Variants in CD22 observed in about 807,000 individuals in gnomAD.
CD22 encodes CD22 molecule.
A neutral mutation model predicts 94.7 loss-of-function variants in CD22; 51 were observed. That is an observed-to-expected ratio of 0.54 (90% CI 0.43 to 0.68). The LOEUF (loss-of-function observed/expected upper bound fraction) is 0.68, where lower values mean the gene tolerates loss of function less well. Among genes scored for constraint, CD22 ranks in the 30% least tolerant of loss-of-function variants. CD22 has a pLI of 0.00. For synonymous variants in CD22, 424 were observed against 422.5 expected, an observed-to-expected ratio of 1.00 and a Z score of -0.04; for missense variants, 931 against 1,060.4, an observed-to-expected ratio of 0.88 and a Z score of 1.69.
chr19:35,346,637 TG>T lies in CD22; in HGVS notation c.2488del (p.Val830SerfsTer14). On this transcript the variant is annotated frameshift_variant, in exon 14 of 14. Coordinates refer to ENST00000085219, the MANE Select transcript of CD22 (RefSeq NM_001771.4). LOFTEE classifies it high-confidence loss of function. Reference protein sequence around the residue: ...GIHYSELIQFGVGERPQAQEN... With the variant: ...GIHYSELIQFXVGERPQAQEN... ...TTCATTACTCAGAGCTGATCCAGTT[TG>T]GGGTCGGGGAGCGGCCTCAGGCACA... The T allele has an allele frequency of 6.2e-7, 1 of 1,608,472 alleles. No homozygotes were observed. Among genetic ancestry groups the T allele is most frequent in the Non-Finnish European group, 8.5e-7 (1 of 1,177,258 alleles).
chr19:35,340,462 T>G (rs1257157619), intron 6 of CD22, among the ~76,000 whole-genome samples: 1 of 152,194 alleles, frequency 6.6e-6, no homozygotes, highest in Non-Finnish European at 1.5e-5. Flanking sequence ...TTTAAAATTT[T>G]TAGTAGAGAC....
In CD22 at chr19:35,336,018, G is replaced by A. The variant is rs1288600909; in HGVS notation, c.413-18G>A. ...CCTCAGTCCCCCAGGCTCCTGCACG[G>A]GCTCTGTTCTTTTGCAGAAAGGCCT... On this transcript the variant is annotated intron_variant, in intron 3 of 13. Transcript: ENST00000085219. 1 of 1,607,622 alleles carries A rather than the reference G, an allele frequency of 6.2e-7. No individual in the cohort carries two copies. The highest frequency in any genetic ancestry group is 2.2e-5 in the East Asian group (1 of 44,844).
intron 9 of CD22, among the ~76,000 whole-genome samples, chr19:35,342,328 T>G (rs2066828177): frequency 6.6e-6 from 1 of 151,832 alleles, no homozygotes; most frequent in South Asian, 2.1e-4. Flanking sequence ...CACCACCACA[T>G]CCGGCTAATT....
rs761690391 is a variant in CD22, at chr19:35,336,193, G to C, written c.570G>C (p.Ser190=). 3.1e-6 allele frequency: 5 copies of C among 1,614,046 alleles called. No homozygotes were observed. Among genetic ancestry groups the C allele is most frequent in the Non-Finnish European group, 4.2e-6 (5 of 1,180,048 alleles). ...GVPMRQAAVT[S]TSLTIKSVFT... ...CAATGAGGCAGGCTGCTGTCACCTCGACCTCCTTGACCATCAAGTCTGTCT... is the reference window on the plus strand; with the variant it reads ...CAATGAGGCAGGCTGCTGTCACCTCCACCTCCTTGACCATCAAGTCTGTCT... The change falls in exon 4 of 14, where the codon TCG becomes TCC. Residue 190 remains serine, a synonymous_variant. Transcript: ENST00000085219.
chr19:35,332,997 G>C lies in CD22; in HGVS notation c.412+73G>C, dbSNP rs1404529104. On this transcript the variant is annotated intron_variant, in intron 3 of 13. Coordinates refer to ENST00000085219, the MANE Select transcript of CD22 (RefSeq NM_001771.4). ...GGAGGCAGGAAATACCTGACTCCTG[G>C]CACAGAGCTCACAAACCGAGCTTCC... 6.6e-6 allele frequency: 10 copies of C among 1,504,928 alleles called. No homozygotes were observed. In the Admixed American group the frequency reaches 1.8e-4, roughly 26 times the overall value. The allele number at this position is 1,504,928 out of a possible 1,614,324, so 93.2% of individuals were successfully genotyped here.
rs575288611 is a variant in CD22, at chr19:35,344,882, G to A, written c.2089G>A (p.Ala697Thr). The A allele has an allele frequency of 6.8e-6, 11 of 1,613,990 alleles. No homozygotes were observed. The highest frequency in any genetic ancestry group is 4.5e-5 in the East Asian group (2 of 44,868). The part of the protein sequence containing the change: ...RVAVGLGSCL[A>T]ILILAICGLK... ...GGCTGTGGGACTCGGGTCCTGCCTC[G>A]CCATCCTCATCCTGGCAATCTGTGG... The change falls in exon 10 of 14, where the codon GCC becomes ACC. Residue 697 changes from alanine to threonine, a missense_variant. By Grantham distance (58) the Ala-to-Thr change is moderately conservative. Coordinates refer to ENST00000085219, the MANE Select transcript of CD22 (RefSeq NM_001771.4).
At position 35,341,151 on chromosome 19, in the gene CD22, G is replaced by A. The variant is rs777654032; in HGVS notation, c.1507+13G>A. 1.2e-6 allele frequency: 2 copies of A among 1,613,752 alleles called. No homozygotes were observed. The highest frequency in any genetic ancestry group is 1.7e-6 in the Non-Finnish European group (2 of 1,179,666). ...CTGAATGTCCAGTGTGAGTCCCTGG[G>A]CTAGGCAGGGGGATCTGGGAGGTGG... On this transcript the variant is annotated intron_variant, in intron 7 of 13. Coordinates refer to ENST00000085219, the MANE Select transcript of CD22 (RefSeq NM_001771.4). The surrounding 1 kb of genome is among the most constrained non-coding windows in gnomAD (Gnocchi z 4.0).
In CD22 at chr19:35,336,141, A is replaced by T; in HGVS notation, c.518A>T (p.Gln173Leu). Reference protein sequence around the residue: ...LNFSCYGYPIQLQWLLEGVPM... With the variant: ...LNFSCYGYPILLQWLLEGVPM... ...TTCTCCTGCTATGGGTATCCGATCC[A>T]ATTGCAGTGGCTCCTAGAGGGGGTT... Residue 173 changes from glutamine (Q) to leucine (L), a missense_variant, in exon 4 of 14, where the codon CAA (glutamine) becomes CTA (leucine). By Grantham distance (113) the Gln-to-Leu change is moderately radical. Coordinates refer to ENST00000085219, the MANE Select transcript of CD22 (RefSeq NM_001771.4). 1.2e-6 allele frequency: 2 copies of T among 1,614,100 alleles called. No individual in the cohort carries two copies. The highest frequency in any genetic ancestry group is 1.1e-5 in the South Asian group (1 of 91,072).
In CD22 at chr19:35,339,812, T is replaced by C. The variant is rs1283579300; in HGVS notation, c.1250-1069T>C. Among the ~76,000 whole-genome samples the C allele has an allele frequency of 2.0e-5, 3 of 152,026 alleles. No homozygotes were observed. The East Asian group carries it at 5.8e-4, about 29-fold the overall frequency. ...CAGAGGTTGCAATGAGCTGAGATCA[T>C]GTCACTGCACTCTAGCCTGGGTAGA... On this transcript the variant is annotated intron_variant, in intron 6 of 13. Coordinates refer to ENST00000085219, the MANE Select transcript of CD22 (RefSeq NM_001771.4).
rs1211117516 is a variant in CD22, at chr19:35,346,622, A to G, written c.2469A>G (p.Ser823=). Reference sequence around the variant, plus strand: ...CAGAAGATGAGGGGATTCATTACTCAGAGCTGATCCAGTTTGGGGTCGGGG... The same window carrying G: ...CAGAAGATGAGGGGATTCATTACTCGGAGCTGATCCAGTTTGGGGTCGGGG... ...DFPEDEGIHY[S]ELIQFGVGER... The change falls in exon 14 of 14, where the codon TCA becomes TCG. Residue 823 remains serine (S), a synonymous_variant. Coordinates refer to ENST00000085219, the MANE Select transcript of CD22 (RefSeq NM_001771.4). 2 of 1,607,196 alleles carry G rather than the reference A, an allele frequency of 1.2e-6. No individual in the cohort carries two copies. Among genetic ancestry groups the G allele is most frequent in the African/African-American group, 2.7e-5 (2 of 74,858 alleles).
At chr19:35,334,461 C>T (rs1049558856) in intron 3 of CD22, among the ~76,000 whole-genome samples, 7 of 152,238 alleles carry the variant, frequency 4.6e-5, no homozygotes, top group Non-Finnish European at 1.0e-4. Flanking sequence ...TATAGCACTG[C>T]ACATGTAGGG....
chr19:35,340,998 G>A lies in CD22; in HGVS notation c.1367G>A (p.Trp456Ter). 1.9e-6 allele frequency: 3 copies of A among 1,614,214 alleles called. No individual in the cohort carries two copies. Among genetic ancestry groups the A allele is most frequent in the Non-Finnish European group, 2.5e-6 (3 of 1,180,048 alleles). Residue 456 changes from tryptophan to a stop codon, truncating the protein, a stop_gained, in exon 7 of 14, where the codon TGG becomes TAG. Transcript: ENST00000085219. LOFTEE classifies it high-confidence loss of function. ...SSNPSVTRYE[W>*]KPHGAWEEPS... ...AACCCCAGTGTTACCCGGTATGAAT[G>A]GAAACCCCATGGCGCCTGGGAGGAG... is the stretch of plus-strand genomic sequence containing the variant.
chr19:35,339,556 C>T (rs953633136), intron 6 of CD22, among the ~76,000 whole-genome samples: 27 of 150,112 alleles, frequency 1.8e-4, no homozygotes, highest in Non-Finnish European at 3.3e-4. Flanking sequence ...GACCTTGTCT[C>T]AAAAAAAAGA....
intron 4 of CD22, 86 bp downstream of exon 4, chr19:35,336,427 G>A (rs2066725669): frequency 7.4e-7 from 1 of 1,359,750 alleles, no homozygotes. Flanking sequence ...CCCAGGGCAG[G>A]GGGAAGCCTG....
chr19:35,345,563 G>T (rs1250288006), intron 11 of CD22, 39 bp from the exon 12 acceptor site: 8 of 1,313,084 alleles, frequency 6.1e-6, no homozygotes, highest in Non-Finnish European at 8.8e-6. Flanking sequence ...GAGGGTTGGG[G>T]AACAGGTGGT....
chr19:35,343,023 C>G (rs1488573808), intron 9 of CD22, among the ~76,000 whole-genome samples: 1 of 151,932 alleles, frequency 6.6e-6, no homozygotes, highest in African/African-American at 2.4e-5. Flanking sequence ...TGGTCTCAGT[C>G]TCCTGACCTC....
At chr19:35,340,057 C>G (rs1209281386) in intron 6 of CD22, among the ~76,000 whole-genome samples, 2 of 152,158 alleles carry the variant, frequency 1.3e-5, no homozygotes, top group Non-Finnish European at 2.9e-5. Flanking sequence ...AAAAAGAACA[C>G]ATAAGCTCGA....
intron 13 of CD22, 77 bp downstream of exon 13, chr19:35,346,312 C>T: frequency 1.5e-6 from 2 of 1,327,790 alleles, no homozygotes; most frequent in South Asian, 2.3e-5. Flanking sequence ...GTGGTGGGTC[C>T]CACATAGGAA....
chr19:35,339,219 C>T, intron 6 of CD22, among the ~76,000 whole-genome samples: 1 of 152,076 alleles, frequency 6.6e-6, no homozygotes, highest in East Asian at 2.0e-4. Flanking sequence ...GCCTGGGTGA[C>T]AGAGCAAGAC....
Sources: allele counts gnomAD v4.1 joint callset (sites outside exome capture counted in the v4.1 genomes callset), GRCh38; gene constraint gnomAD v4.1.1; non-coding constraint Gnocchi (gnomAD v3.1); transcripts MANE v1.5; gene names NCBI Gene and HGNC (gene_info 2026-07-23, HGNC 2026-07-21).